PSMA1: variants seen among roughly 807,000 people sequenced by gnomAD.
PSMA1 encodes proteasome subunit alpha type-1.
A neutral mutation model predicts 38.4 loss-of-function variants in PSMA1; 3 were observed. The ratio of observed to expected loss-of-function variants is 0.08; its 90% CI spans 0.04 to 0.20. The LOEUF (loss-of-function observed/expected upper bound fraction) is 0.20, where lower values mean the gene tolerates loss of function less well. PSMA1 is among the 10% of genes least tolerant of loss of function. PSMA1 has a pLI of 1.00. For synonymous variants in PSMA1, 101 were observed against 107.1 expected (o/e 0.94, Z 0.35); for missense variants, 227 against 325.3 (o/e 0.70, Z 2.32).
intron 7 of PSMA1, among the ~76,000 whole-genome samples, chr11:14,512,234 C>A (rs1356226245): frequency 1.3e-5 from 2 of 152,012 alleles, no homozygotes; most frequent in East Asian, 3.9e-4. Context: ...ATTAGCCAGG[C>A]GTGGTGGCGC....
At chr11:14,590,390 T>C (rs1852398280) in intron 2 of PSMA1, among the ~76,000 whole-genome samples, 1 of 152,232 alleles carries the variant, frequency 6.6e-6, no homozygotes, top group African/African-American at 2.4e-5. Context: ...TTTTTTTGTT[T>C]GTTTGTTAGT....
intron 2 of PSMA1, among the ~76,000 whole-genome samples, chr11:14,579,820 C>T (rs1056015138): frequency 6.6e-6 from 1 of 152,142 alleles, no homozygotes; most frequent in African/African-American, 2.4e-5. Context: ...TTTGAAAATG[C>T]CCTCCAAGTG....
intron 2 of PSMA1, among the ~76,000 whole-genome samples, chr11:14,584,216 C>T (rs1852313235): frequency 6.6e-6 from 1 of 152,220 alleles, no homozygotes. Context: ...GATGCCTTCA[C>T]TTTTCTGAAT....
chr11:14,546,891 A>G (rs532823294), intron 2 of PSMA1, among the ~76,000 whole-genome samples: 106 of 152,342 alleles, frequency 7.0e-4, no homozygotes, highest in African/African-American at 2.3e-3. Flanking sequence ...GGATTTTGCA[A>G]AAATTTAGTC....
intron 1 of PSMA1, among the ~76,000 whole-genome samples, chr11:14,623,039 T>C (rs1852868265): frequency 6.6e-6 from 1 of 152,092 alleles, no homozygotes; most frequent in Admixed American, 6.5e-5. Context: ...ACATTACAAG[T>C]TTGGTTCTGC....
chr11:14,517,799 AAAT>A, intron 3 of PSMA1, 54 bp from the exon 4 acceptor site: 1 of 1,532,592 alleles, frequency 6.5e-7, no homozygotes, highest in Admixed American at 2.2e-5. Flanking sequence ...ACAAATGTAA[AAAT>A]AAGTTTACAA....
intron 2 of PSMA1, among the ~76,000 whole-genome samples, chr11:14,570,435 T>C (rs1305926651): frequency 4.6e-5 from 7 of 152,100 alleles, no homozygotes; most frequent in African/African-American, 1.7e-4. Context: ...AAGGAGGATG[T>C]TCAAACCCAT....
intron 2 of PSMA1, among the ~76,000 whole-genome samples, chr11:14,554,602 T>G (rs901191348): frequency 6.6e-6 from 1 of 152,194 alleles, no homozygotes; most frequent in African/African-American, 2.4e-5. Flanking sequence ...TTTGCAACAT[T>G]GTTGAAAATC....
chr11:14,608,552 A>G (rs1261091030), intron 2 of PSMA1, among the ~76,000 whole-genome samples: 2 of 149,794 alleles, frequency 1.3e-5, no homozygotes, highest in Non-Finnish European at 3.0e-5. Flanking sequence ...CCTAAAACTT[A>G]AAGTATAATA....
At chr11:14,548,754 A>G (rs953478225) in intron 2 of PSMA1, among the ~76,000 whole-genome samples, 1 of 152,222 alleles carries the variant, frequency 6.6e-6, no homozygotes, top group African/African-American at 2.4e-5. Context: ...ACATAAATAA[A>G]TTAATTCGCA....
intron 2 of PSMA1, among the ~76,000 whole-genome samples, chr11:14,581,238 G>A (rs1387806490): frequency 6.6e-6 from 1 of 152,088 alleles, no homozygotes; most frequent in Non-Finnish European, 1.5e-5. Flanking sequence ...TTGTTCTAAG[G>A]GCATATAATT....
At chr11:14,514,539 T>A in intron 4 of PSMA1, 48 bp from the exon 5 acceptor site, 1 of 1,317,316 alleles carries the variant, frequency 7.6e-7, no homozygotes, top group Non-Finnish European at 1.0e-6. Flanking sequence ...TATAGACAAC[T>A]ATTCCAATCT....
chr11:14,506,066 A>G (rs945357547), intron 9 of PSMA1, among the ~76,000 whole-genome samples: 2 of 152,190 alleles, frequency 1.3e-5, no homozygotes, highest in Non-Finnish European at 2.9e-5. Context: ...AGTTTATGTT[A>G]TCAGTAAGGC....
At chr11:14,568,528 A>G (rs1338331653) in intron 2 of PSMA1, among the ~76,000 whole-genome samples, 10 of 152,220 alleles carry the variant, frequency 6.6e-5, no homozygotes, top group Non-Finnish European at 7.3e-5. Flanking sequence ...CTCAGATGGA[A>G]TTTCACAGTC....
At chr11:14,519,935 G>A (rs569835810) in intron 1 of PSMA1, 8 of 272,702 alleles carry the variant, frequency 2.9e-5, no homozygotes, top group South Asian at 9.5e-5. Flanking sequence ...GGTGGTACAG[G>A]TAGGCCTCCA....
At chr11:14,603,650 T>A (rs1014593077) in intron 2 of PSMA1, among the ~76,000 whole-genome samples, 1 of 152,260 alleles carries the variant, frequency 6.6e-6, no homozygotes, top group Non-Finnish European at 1.5e-5. Flanking sequence ...ATTATTCAAG[T>A]AAGACAAAGA....
At chr11:14,532,600 G>A (rs2575842) in intron 2 of PSMA1, among the ~76,000 whole-genome samples, 95,014 of 144,806 alleles carry the variant, frequency 0.66, 30,986 homozygotes, top group African/African-American at 0.69. Context: ...GCGAGACTCC[G>A]TCTCAAAAAA....
At chr11:14,627,024 C>A (rs1182158590) in intron 1 of PSMA1, among the ~76,000 whole-genome samples, 1 of 152,126 alleles carries the variant, frequency 6.6e-6, no homozygotes, top group Admixed American at 6.5e-5. Flanking sequence ...TTTCAGATAG[C>A]CCCCTTCTTG....
intron 1 of PSMA1, among the ~76,000 whole-genome samples, chr11:14,612,640 T>C (rs905948632): frequency 5.3e-5 from 8 of 152,182 alleles, no homozygotes; most frequent in African/African-American, 1.9e-4. Context: ...GACTGTACCC[T>C]CTAGGAAAGA....
Sources: gnomAD v4.1 joint callset for allele counts (sites outside exome capture counted in the v4.1 genomes callset) on GRCh38, gnomAD v4.1.1 for gene constraint, MANE v1.5 for transcripts, NCBI Gene and HGNC (gene_info 2026-07-23, HGNC 2026-07-21) for gene names.